Variants in POU6F1 observed in about 807,000 individuals in gnomAD.
POU6F1 encodes the protein POU class 6 homeobox 1.
Under a neutral mutation model 28.9 loss-of-function variants are expected in POU6F1, and 9 were observed. The observed-to-expected ratio is 0.31, with a 90% CI of 0.19 to 0.54. The LOEUF (loss-of-function observed/expected upper bound fraction) is 0.54, where lower values mean the gene tolerates loss of function less well. Among genes scored for constraint, POU6F1 ranks in the 20% least tolerant of loss-of-function variants. The pLI is 0.94. For missense variants in POU6F1, 338 were observed against 426.1 expected (o/e 0.79, Z 1.82); for synonymous variants, 173 against 171.1 (o/e 1.01, Z -0.09).
In POU6F1 at chr12:51,217,192, C is replaced by T. The variant is rs1005890188; in HGVS notation, c.-48+450G>A. On this transcript the variant is annotated intron_variant, in intron 1 of 10. Coordinates refer to ENST00000333640, the MANE Select transcript of POU6F1 (RefSeq NM_001330422.2). The surrounding 1 kb of genome is among the most constrained non-coding windows in gnomAD (Gnocchi z 5.3). ...TGGCCGCCCCAGCTGGCCCTAACCG[C>T]CGGGAACCCAGGCGTCCGTGTTCTC... Among the ~76,000 whole-genome samples, 5 of 152,178 alleles carry T rather than the reference C, an allele frequency of 3.3e-5. No homozygotes were observed. The highest frequency in any genetic ancestry group is 1.2e-4 in the African/African-American group (5 of 41,452).
rs1942793090 is a variant in POU6F1 at position 51,195,981 on chromosome 12, C to T, written c.1168G>A (p.Ala390Thr). The change falls in exon 8 of 11, where the codon GCT (alanine) becomes ACT (threonine). Residue 390 changes from alanine to threonine, a missense_variant. By Grantham distance (58) the Ala-to-Thr change is moderately conservative (BLOSUM62 0). Around this residue, in one of 3 missense-constraint regions of POU6F1, gnomAD observed 206 missense variants for 225.6 expected, o/e 0.91. Transcript: ENST00000333640. The stretch of plus-strand genomic sequence containing the variant: ...CCCAGCCCCTGTACCTCACTCTTAG[C>T]AGGGGACTCAGGTGTGCTTGGCTTC... ...VRKPSTPESP[A>T]KSEVQPIQPT... 1 of 999,998 alleles carries T rather than the reference C, an allele frequency of 1.0e-6. No individual in the cohort carries two copies. Among genetic ancestry groups the T allele is most frequent in the East Asian group, 5.3e-5 (1 of 18,932 alleles). The allele number at this position is 999,998 out of a possible 1,614,324, so 61.9% of individuals were successfully genotyped here. A position where few individuals can be genotyped will look rare whatever the true frequency, so the allele number is the denominator to read the frequency against.
At chr12:51,200,505 G>A (rs79886614) in intron 3 of POU6F1, among the ~76,000 whole-genome samples, 8,990 of 152,184 alleles carry the variant, frequency 0.059, 869 homozygotes, top group African/African-American at 0.2. Context: ...TGAATTTCCC[G>A]TGACCTGCAG....
At chr12:51,203,117 C>G (rs1943336855) in intron 3 of POU6F1, among the ~76,000 whole-genome samples, 1 of 152,028 alleles carries the variant, frequency 6.6e-6, no homozygotes, top group Non-Finnish European at 1.5e-5. Flanking sequence ...GACACACAAA[C>G]CCCTGGAAGA....
chr12:51,213,069 T>C (rs1173261465), intron 1 of POU6F1, among the ~76,000 whole-genome samples: 1 of 151,962 alleles, frequency 6.6e-6, no homozygotes, highest in African/African-American at 2.4e-5. Flanking sequence ...CCTGAGTAGC[T>C]GGGACTACAG....
intron 1 of POU6F1, among the ~76,000 whole-genome samples, chr12:51,212,555 T>C (rs1201280119): frequency 6.9e-6 from 1 of 145,440 alleles, no homozygotes; most frequent in Non-Finnish European, 1.5e-5. Context: ...CTGAGGCGAG[T>C]AGATCACCTG....
At position 51,199,754 on chromosome 12, in the gene POU6F1, G is replaced by T. The variant is rs1253242761; in HGVS notation, c.359C>A (p.Ala120Asp). The change falls in exon 4 of 11, where the codon GCC becomes GAC. Residue 120 changes from alanine to aspartate, a missense_variant. Ala to Asp is a moderately radical substitution (Grantham distance 126). This residue lies in a region of POU6F1 where 206 missense variants were observed against 225.6 expected (regional missense o/e 0.91). Transcript: ENST00000333640. The surrounding 1 kb of genome is among the most constrained non-coding windows in gnomAD (Gnocchi z 4.1). ...CCCGAGGGCAGCCCTTACCTGGGGGGCAGCTTGTACAGCCAGTGGCGTCAG... is the reference window on the plus strand; with the variant it reads ...CCCGAGGGCAGCCCTTACCTGGGGGTCAGCTTGTACAGCCAGTGGCGTCAG... ...QTLTPLAVQA[A>D]PQVLTQENLA... 7 of 399,004 alleles carry T rather than the reference G, an allele frequency of 1.8e-5. No homozygotes were observed. Among genetic ancestry groups the T allele is most frequent in the Non-Finnish European group, 3.1e-5 (7 of 226,124 alleles). The allele number at this position is 399,004 out of a possible 1,614,324, so 24.7% of individuals were successfully genotyped here.
rs770920189 is a variant in POU6F1 at position 51,190,496 on chromosome 12, G to T, written c.1587C>A (p.Gly529=). 3 of 1,614,046 alleles carry T rather than the reference G, an allele frequency of 1.9e-6. No homozygotes were observed. The African/African-American group carries it at 4.0e-5, about 22-fold the overall frequency. Residue 529 remains glycine, a synonymous_variant, in exon 11 of 11, where the codon GGC becomes GGA. Coordinates refer to ENST00000333640, the MANE Select transcript of POU6F1 (RefSeq NM_001330422.2). This position sits in a 1 kb window ranked among gnomAD's most constrained non-coding sequence, Gnocchi z 4.5. ...LNEAELRNQE[G]QQNLMEFVGG... ...CCACAAACTCCATCAGGTTCTGCTG[G>T]CCTTCCTGGTTCCGCAGTTCAGCTT... is the stretch of plus-strand genomic sequence containing the variant.
chr12:51,195,958 C>CCCCCCCCGG lies in POU6F1; in HGVS notation c.1179+11_1179+12insCCGGGGGGG. 6.6e-7 allele frequency: 1 copy of CCCCCCCCGG among 1,521,994 alleles called. No individual in the cohort carries two copies. The highest frequency in any genetic ancestry group is 8.9e-7 in the Non-Finnish European group (1 of 1,125,064). The allele number at this position is 1,521,994 out of a possible 1,614,324, so 94.3% of individuals were successfully genotyped here. On this transcript the variant is annotated intron_variant, in intron 8 of 10. Transcript: ENST00000333640. ...AGCCTGCCCCACCCCCCACCCCCCC[C>CCCCCCCCGG]AGCCCCTGTACCTCACTCTTAGCAG...
At position 51,190,421 on chromosome 12, in the gene POU6F1, C is replaced by T. The variant is rs1942318473; in HGVS notation, c.1662G>A (p.Gln554=). 3 of 1,613,988 alleles carry T rather than the reference C, an allele frequency of 1.9e-6. No individual in the cohort carries two copies. The highest frequency in any genetic ancestry group is 2.7e-5 in the African/African-American group (2 of 74,884). ...KRKRRTSFTP[Q]AIEALNAYFE... is the part of the protein sequence containing the mutation. The stretch of plus-strand genomic sequence containing the variant: ...AATAGGCATTGAGAGCCTCTATGGC[C>T]TGGGGGGTGAAGGAGGTGCGGCGTT... The change falls in exon 11 of 11, where the codon CAG becomes CAA. Residue 554 remains glutamine (Q), a synonymous_variant. Coordinates refer to ENST00000333640, the MANE Select transcript of POU6F1 (RefSeq NM_001330422.2). This position sits in a 1 kb window ranked among gnomAD's most constrained non-coding sequence, Gnocchi z 4.5.
chr12:51,201,542 AAAC>A (rs1018868184), intron 3 of POU6F1: 2 of 95,890 alleles, frequency 2.1e-5, no homozygotes, highest in African/African-American at 5.9e-5. Flanking sequence ...GTTAAAAAAA[AAAC>A]AAAAAAATTA....
intron 10 of POU6F1, 44 bp downstream of exon 10, chr12:51,191,552 G>A (rs10783419): frequency 0.33 from 522,995 of 1,583,186 alleles, 87,467 homozygotes; most frequent in African/African-American, 0.43. Flanking sequence ...GTGGCACCAG[G>A]CAGCTGAGCA....
Position 51,189,024 on chromosome 12 carries a change from A to T in POU6F1, c.*1223T>A, listed in dbSNP as rs1201883781. On this transcript the variant is annotated 3_prime_UTR_variant, in exon 11 of 11. Transcript: ENST00000333640. ...GCTACCCCGTCTAGAAGCAAAACTC[A>T]ATCTGATCTGGGGGTGTCCTTGGCT... The T allele has an allele frequency of 1.3e-5, 2 of 152,110 alleles. No homozygotes were observed. The highest frequency in any genetic ancestry group is 2.9e-5 in the Non-Finnish European group (2 of 68,018). The allele number at this position is 152,110 out of a possible 1,614,324, so 9.4% of individuals were successfully genotyped here. A position where few individuals can be genotyped will look rare whatever the true frequency, so the allele number is the denominator to read the frequency against.
chr12:51,207,007 T>C, intron 1 of POU6F1, 124 bp from the exon 2 acceptor site: 2 of 385,812 alleles, frequency 5.2e-6, no homozygotes, highest in Non-Finnish European at 9.1e-6. Context: ...CAAGTATCTG[T>C]AGAGGTTAAA....
intron 5 of POU6F1, 131 bp downstream of exon 5, chr12:51,198,419 C>T: frequency 2.5e-6 from 1 of 398,126 alleles, no homozygotes. Flanking sequence ...ATGCCCAAGA[C>T]ACCGGATCCA....
rs935012998 is a variant in POU6F1, at chr12:51,217,809, A to T, written c.-215T>A. On this transcript the variant is annotated 5_prime_UTR_variant, in exon 1 of 11. Coordinates refer to ENST00000333640, the MANE Select transcript of POU6F1 (RefSeq NM_001330422.2). The surrounding 1 kb of genome is among the most constrained non-coding windows in gnomAD (Gnocchi z 5.3). ...TTGGCTGGGCTCGGCTCGGCCCGGG[A>T]GCTGGTCGGGACCCGCCGCCGCCCC... 3 of 150,252 alleles carry T rather than the reference A, an allele frequency of 2.0e-5. No homozygotes were observed. The highest frequency in any genetic ancestry group is 7.4e-5 in the African/African-American group (3 of 40,686). The allele number at this position is 150,252 out of a possible 1,614,324, so 9.3% of individuals were successfully genotyped here. A position where few individuals can be genotyped will look rare whatever the true frequency, so the allele number is the denominator to read the frequency against.
At chr12:51,215,357 C>A (rs1944229335) in intron 1 of POU6F1, among the ~76,000 whole-genome samples, 1 of 151,680 alleles carries the variant, frequency 6.6e-6, no homozygotes, top group Admixed American at 6.6e-5. Flanking sequence ...AAGTTCAAGA[C>A]CAGCTTGGCC....
intron 1 of POU6F1, among the ~76,000 whole-genome samples, chr12:51,208,380 A>G (rs1304774219): frequency 6.6e-6 from 1 of 152,206 alleles, no homozygotes; most frequent in African/African-American, 2.4e-5. Context: ...ATTGACATTT[A>G]TTTCGAGTGC....
intron 1 of POU6F1, among the ~76,000 whole-genome samples, chr12:51,215,330 G>A (rs1312296151): frequency 3.3e-5 from 5 of 151,848 alleles, no homozygotes; most frequent in Admixed American, 2.0e-4. Flanking sequence ...CGAGGCGGGC[G>A]GATTACTTGA....
At chr12:51,210,961 C>T (rs1180330916) in intron 1 of POU6F1, among the ~76,000 whole-genome samples, 1 of 152,216 alleles carries the variant, frequency 6.6e-6, no homozygotes, top group African/African-American at 2.4e-5. Flanking sequence ...TGTGTGTTCC[C>T]CTTGCTTGGT....
Sources: gnomAD v4.1 joint callset for allele counts (sites outside exome capture counted in the v4.1 genomes callset) on GRCh38, gnomAD v4.1.1 for gene constraint, gnomAD v4.1.1 regional missense constraint, Gnocchi (gnomAD v3.1) non-coding constraint, MANE v1.5 for transcripts, NCBI Gene and HGNC (gene_info 2026-07-23, HGNC 2026-07-21) for gene names.